The following POU2F1 variants were observed in gnomAD, a reference collection of about 807,000 sequenced individuals.
POU2F1 encodes POU domain, class 2, transcription factor 1.
Under a neutral mutation model 84.9 loss-of-function variants are expected in POU2F1, and 16 were observed. That is an observed-to-expected ratio of 0.19 (90% CI 0.13 to 0.29). The LOEUF is 0.29. Ranked by LOEUF, POU2F1 falls within the 10% of genes least tolerant of loss-of-function variation. POU2F1 has a pLI of 1.00. For synonymous variants in POU2F1, 368 were observed against 368.3 expected (o/e 1.00, Z 0.01); for missense variants, 738 against 942.6 (o/e 0.78, Z 2.84).
At chr1:167,282,888 T>C (rs763750418) in intron 1 of POU2F1, among the ~76,000 whole-genome samples, 1 of 152,244 alleles carries the variant, frequency 6.6e-6, no homozygotes, top group Non-Finnish European at 1.5e-5. Context: ...TTATGTCTTC[T>C]TGGGCAATTT....
At chr1:167,339,403 C>G (rs1029223120) in intron 2 of POU2F1, among the ~76,000 whole-genome samples, 1 of 152,140 alleles carries the variant, frequency 6.6e-6, no homozygotes, top group African/African-American at 2.4e-5. Flanking sequence ...TAAATTAAAG[C>G]TGATCATCTC....
chr1:167,247,038 ATGTGTGTGTGTGTGTGTG>A (rs10592064), intron 1 of POU2F1, among the ~76,000 whole-genome samples: 2 of 74,944 alleles, frequency 2.7e-5, no homozygotes, highest in African/African-American at 7.7e-5. Flanking sequence ...TTATATATAT[ATGTGTGTGTGTGTGTGTG>A]TGTGTGTGTG....
In POU2F1 at chr1:167,374,286, A is replaced by G; in HGVS notation, c.581A>G (p.Gln194Arg). The change falls in exon 6 of 16, where the codon CAG becomes CGG. Residue 194 changes from glutamine (Q) to arginine (R), a missense_variant. This residue lies in a region of POU2F1 where 163 missense variants were observed against 214.4 expected (regional missense o/e 0.76). Coordinates refer to ENST00000367866, the MANE Select transcript of POU2F1 (RefSeq NM_002697.4). ...MTQIPLSQPI[Q>R]IAQDLQQLQQ... The stretch of plus-strand genomic sequence containing the variant: ...CAGATCCCCCTGTCTCAGCCCATAC[A>G]GATCGCACAGGTGAGTGAGGAACTC... 6.3e-7 allele frequency: 1 copy of G among 1,597,024 alleles called. No individual in the cohort carries two copies. The highest frequency in any genetic ancestry group is 8.5e-7 in the Non-Finnish European group (1 of 1,172,076).
chr1:167,252,352 A>G (rs1650794088), intron 1 of POU2F1, among the ~76,000 whole-genome samples: 1 of 152,122 alleles, frequency 6.6e-6, no homozygotes, highest in South Asian at 2.1e-4. Flanking sequence ...AGTATATTTG[A>G]CCAACAGTCC....
chr1:167,291,834 G>A (rs192393810), intron 1 of POU2F1, among the ~76,000 whole-genome samples: 1 of 152,132 alleles, frequency 6.6e-6, no homozygotes, highest in East Asian at 1.9e-4. Context: ...GCCTCATTTA[G>A]CCTCCTAAAC....
chr1:167,272,656 G>C (rs1045796389), intron 1 of POU2F1, among the ~76,000 whole-genome samples: 4 of 150,242 alleles, frequency 2.7e-5, no homozygotes, highest in African/African-American at 4.8e-5. Context: ...ACCAGATCTT[G>C]TGAGAACTCA....
intron 1 of POU2F1, among the ~76,000 whole-genome samples, chr1:167,269,394 C>T (rs1652202776): frequency 6.6e-6 from 1 of 152,108 alleles, no homozygotes; most frequent in East Asian, 1.9e-4. Flanking sequence ...GAAATAGAGA[C>T]CTCCTTAGTT....
At position 167,269,449 on chromosome 1, in the gene POU2F1, G is replaced by A. The variant is rs1431481133; in HGVS notation, c.61+48491G>A. Among the ~76,000 whole-genome samples, 11 of 152,286 alleles carry A rather than the reference G, an allele frequency of 7.2e-5. No individual in the cohort carries two copies. The South Asian group carries it at 2.3e-3, about 32-fold the overall frequency. ...CTGATGACTGGAGATTGGGACTAAG[G>A]TTTTATTTATTTATATTCTTTGAAA... is the stretch of plus-strand genomic sequence containing the variant. On this transcript the variant is annotated intron_variant, in intron 1 of 15. Coordinates refer to ENST00000367866, the MANE Select transcript of POU2F1 (RefSeq NM_002697.4).
chr1:167,302,016 A>G (rs1400107702), intron 1 of POU2F1, among the ~76,000 whole-genome samples: 1 of 152,064 alleles, frequency 6.6e-6, no homozygotes, highest in Non-Finnish European at 1.5e-5. Context: ...GATTTTAAGT[A>G]GTATGAGCCT....
At chr1:167,225,216 T>G (rs1315261040) in intron 1 of POU2F1, among the ~76,000 whole-genome samples, 1 of 152,198 alleles carries the variant, frequency 6.6e-6, no homozygotes. Flanking sequence ...GCTGACCAAC[T>G]GTTTTTGATT....
chr1:167,359,879 G>T (rs1037576085), intron 2 of POU2F1, among the ~76,000 whole-genome samples: 9 of 140,184 alleles, frequency 6.4e-5, no homozygotes, highest in Admixed American at 3.0e-4. Flanking sequence ...TTTAATAATA[G>T]TCTGCCTAGT....
At chr1:167,404,285 G>A (rs1649403807) in intron 13 of POU2F1, among the ~76,000 whole-genome samples, 1 of 151,246 alleles carries the variant, frequency 6.6e-6, no homozygotes, top group Non-Finnish European at 1.5e-5. Flanking sequence ...GATTTTTGTA[G>A]TGATGAATGC....
rs139833973 is a variant in POU2F1, at chr1:167,298,209, C to T, written c.62-34261C>T. On this transcript the variant is annotated intron_variant, in intron 1 of 15. Coordinates refer to ENST00000367866, the MANE Select transcript of POU2F1 (RefSeq NM_002697.4). ...CTGTGAATCCATTTCCTGTTTTAGT[C>T]CATATTGCTTCTTTGATATGGAATA... Among the ~76,000 whole-genome samples the T allele has an allele frequency of 3.7e-4, 57 of 152,168 alleles. 2 individuals carry two copies. In the East Asian group the frequency reaches 0.011, roughly 29 times the overall value.
At chr1:167,280,324 T>A (rs555866705) in intron 1 of POU2F1, among the ~76,000 whole-genome samples, 1 of 151,842 alleles carries the variant, frequency 6.6e-6, no homozygotes, top group African/African-American at 2.4e-5. Flanking sequence ...TTTTTTTTTT[T>A]AAAGAGAGAT....
chr1:167,227,233 C>T (rs1284570352), intron 1 of POU2F1, among the ~76,000 whole-genome samples: 1 of 152,170 alleles, frequency 6.6e-6, no homozygotes, highest in African/African-American at 2.4e-5. Context: ...AAAGTCATAG[C>T]AAGTGCAGTT....
intron 7 of POU2F1, among the ~76,000 whole-genome samples, chr1:167,381,678 T>C (rs1354605031): frequency 6.7e-6 from 1 of 149,084 alleles, no homozygotes; most frequent in Non-Finnish European, 1.5e-5. Context: ...TGGCGCAGTC[T>C]TGTCTTAACA....
chr1:167,243,201 A>G (rs914360828), intron 1 of POU2F1, among the ~76,000 whole-genome samples: 2 of 152,216 alleles, frequency 1.3e-5, no homozygotes, highest in African/African-American at 4.8e-5. Flanking sequence ...TCAATAACTG[A>G]CCAGTAGCTT....
chr1:167,261,825 C>T (rs1651591053), intron 1 of POU2F1, among the ~76,000 whole-genome samples: 2 of 152,138 alleles, frequency 1.3e-5, no homozygotes. Context: ...GCTGGGATTA[C>T]AGGCACGTGC....
At chr1:167,382,220 A>G (rs1294918796) in intron 7 of POU2F1, among the ~76,000 whole-genome samples, 7 of 152,218 alleles carry the variant, frequency 4.6e-5, no homozygotes, top group Admixed American at 3.9e-4. Flanking sequence ...GTAGCGGATC[A>G]TAGTAATCTG....
Sources: gnomAD v4.1 joint callset for allele counts (sites outside exome capture counted in the v4.1 genomes callset) on GRCh38, gnomAD v4.1.1 for gene constraint, gnomAD v4.1.1 regional missense constraint, MANE v1.5 for transcripts, NCBI Gene and HGNC (gene_info 2026-07-23, HGNC 2026-07-21) for gene names.